NUAK2: variants seen among roughly 807,000 people sequenced by gnomAD.
NUAK2 encodes the protein NUAK family SNF1-like kinase 2.
NUAK2 carries 20 observed loss-of-function variants against 29.8 expected under a neutral mutation model. That is an observed-to-expected ratio of 0.67 (90% CI 0.47 to 0.98). The LOEUF is 0.98. Among genes scored for constraint, NUAK2 ranks in the 50% least tolerant of loss-of-function variants. The probability of loss-of-function intolerance (pLI) is 0.00; values close to 1 mark genes in which losing one functional copy is unlikely to be tolerated. For missense variants in NUAK2, 719 were observed against 834.5 expected, an observed-to-expected ratio of 0.86 and a Z score of 1.71; for synonymous variants, 331 against 342.6, an observed-to-expected ratio of 0.97 and a Z score of 0.37.
chr1:205,308,438 C>T lies in NUAK2; in HGVS notation c.504+143G>A. Reference sequence around the variant, plus strand: ...AGGGACTCAAAGTCAGAGACACTGACATTTCCCTGAGAGTCCAGAATCTAG... The same window carrying T: ...AGGGACTCAAAGTCAGAGACACTGATATTTCCCTGAGAGTCCAGAATCTAG... On this transcript the variant is annotated intron_variant, in intron 3 of 6. Transcript: ENST00000367157. This position sits in a 1 kb window ranked among gnomAD's most constrained non-coding sequence, Gnocchi z 4.1. 1.1e-6 allele frequency: 1 copy of T among 951,286 alleles called. No individual in the cohort carries two copies. The highest frequency in any genetic ancestry group is 1.6e-5 in the South Asian group (1 of 63,632). The allele number at this position is 951,286 out of a possible 1,614,324, so 58.9% of individuals were successfully genotyped here. A position where few individuals can be genotyped will look rare whatever the true frequency, so the allele number is the denominator to read the frequency against.
At chr1:205,315,458 A>G (rs542691476) in intron 1 of NUAK2, among the ~76,000 whole-genome samples, 4 of 152,330 alleles carry the variant, frequency 2.6e-5, no homozygotes, top group African/African-American at 9.6e-5. Context: ...CAGTGCTCAG[A>G]TAAGATTTTC....
intron 2 of NUAK2, 108 bp downstream of exon 2, chr1:205,311,597 T>G (rs531167615): frequency 1.4e-6 from 2 of 1,438,784 alleles, no homozygotes; most frequent in Non-Finnish European, 1.9e-6. Context: ...GAGCCTATAT[T>G]TTTTTTACTT....
chr1:205,305,416 C>A, intron 5 of NUAK2, 85 bp from the exon 6 acceptor site: 1 of 1,514,114 alleles, frequency 6.6e-7, no homozygotes, highest in East Asian at 2.4e-5. Flanking sequence ...GCCAGCACAC[C>A]TGAGGACGAC....
At chr1:205,310,079 A>T (rs1443809689) in intron 2 of NUAK2, among the ~76,000 whole-genome samples, 1 of 152,168 alleles carries the variant, frequency 6.6e-6, no homozygotes, top group Non-Finnish European at 1.5e-5. Context: ...CCTGCCCCAG[A>T]GCTAATGCTG....
Position 205,303,991 on chromosome 1 carries a change from A to C in NUAK2, c.1346T>G (p.Leu449Arg), listed in dbSNP as rs371065495. The change falls in exon 7 of 7, where the codon CTC becomes CGC. Residue 449 changes from leucine to arginine, a missense_variant. Leu to Arg is a moderately radical substitution (Grantham distance 102, BLOSUM62 -2). Around this residue, in one of 3 missense-constraint regions of NUAK2, gnomAD observed 430 missense variants for 465.7 expected, o/e 0.92. Transcript: ENST00000367157. Reference protein sequence around the residue: ...AAPLLPKKGILKKPRQRESGY... With the variant: ...AAPLLPKKGIRKKPRQRESGY... ...AGACTCGCGCTGTCGGGGCTTCTTG[A>C]GAATGCCCTTCTTGGGGAGCAGGGG... 6.2e-6 allele frequency: 10 copies of C among 1,613,654 alleles called. No homozygotes were observed. The highest frequency in any genetic ancestry group is 8.5e-6 in the Non-Finnish European group (10 of 1,179,880).
At position 205,302,565 on chromosome 1, in the gene NUAK2, CAG is replaced by C. The variant is rs1421477863; in HGVS notation, c.*883_*884del. 3 of 152,246 alleles carry C rather than the reference CAG, an allele frequency of 2.0e-5. No individual in the cohort carries two copies. Among genetic ancestry groups the C allele is most frequent in the East Asian group, 3.9e-4 (2 of 5,194 alleles). 9.4% of individuals were successfully genotyped at this position (152,246 alleles called of 1,614,324 possible). A position where few individuals can be genotyped will look rare whatever the true frequency, so the allele number is the denominator to read the frequency against. Reference sequence around the variant, plus strand: ...AAAGGGAAGAGAACCATTGAAGAAACAGAGATTGTGTTCTCTTACTCCTAGGC... The same window carrying C: ...AAAGGGAAGAGAACCATTGAAGAAACAGATTGTGTTCTCTTACTCCTAGGC... On this transcript the variant is annotated 3_prime_UTR_variant, in exon 7 of 7. Coordinates refer to ENST00000367157, the MANE Select transcript of NUAK2 (RefSeq NM_030952.3).
chr1:205,313,362 C>T (rs1233534778), intron 1 of NUAK2, among the ~76,000 whole-genome samples: 1 of 152,126 alleles, frequency 6.6e-6, no homozygotes, highest in African/African-American at 2.4e-5. Context: ...CTATCTTAGC[C>T]CGGCAAGATG....
chr1:205,306,930 T>A (rs556401753), intron 4 of NUAK2, among the ~76,000 whole-genome samples: 61 of 152,270 alleles, frequency 4.0e-4, no homozygotes, highest in Admixed American at 7.2e-4. Flanking sequence ...AGCAAAGGGC[T>A]CATTCCTGTG....
chr1:205,316,800 T>G (rs1662334275), intron 1 of NUAK2, among the ~76,000 whole-genome samples: 1 of 152,216 alleles, frequency 6.6e-6, no homozygotes. Context: ...AATTTCTGAT[T>G]CTGTCCCAGT....
chr1:205,308,103 G>A lies in NUAK2; in HGVS notation c.570+62C>T. 1 of 1,110,652 alleles carries A rather than the reference G, an allele frequency of 9.0e-7. No individual in the cohort carries two copies. The highest frequency in any genetic ancestry group is 1.9e-5 in the Admixed American group (1 of 53,724). 68.8% of individuals were successfully genotyped at this position (1,110,652 alleles called of 1,614,324 possible). A position where few individuals can be genotyped will look rare whatever the true frequency, so the allele number is the denominator to read the frequency against. On this transcript the variant is annotated intron_variant, in intron 4 of 6. Coordinates refer to ENST00000367157, the MANE Select transcript of NUAK2 (RefSeq NM_030952.3). This position sits in a 1 kb window ranked among gnomAD's most constrained non-coding sequence, Gnocchi z 4.1. ...CCAAGAGCTTAGAGCTACTTGGCTG[G>A]GGACAGTGCAGAAAAGCTGGGGTGG... is the stretch of plus-strand genomic sequence containing the variant.
Position 205,304,426 on chromosome 1 carries a change from T to C in NUAK2, c.911A>G (p.Asn304Ser). Residue 304 changes from asparagine to serine, a missense_variant, in exon 7 of 7, where the codon AAC (asparagine) becomes AGC (serine). Transcript: ENST00000367157. The surrounding 1 kb of genome is among the most constrained non-coding windows in gnomAD (Gnocchi z 6.5). ...LEDVASHWWV[N>S]WGYATRVGEQ... The stretch of plus-strand genomic sequence containing the variant: ...TCCCACTCGGGTGGCGTAGCCCCAG[T>C]TGACCCACCAGTGACTGGCCACATC... 1.9e-6 allele frequency: 3 copies of C among 1,589,984 alleles called. No individual in the cohort carries two copies. Among genetic ancestry groups the C allele is most frequent in the Non-Finnish European group, 2.6e-6 (3 of 1,166,448 alleles).
chr1:205,309,046 A>C (rs1662221308), intron 2 of NUAK2, among the ~76,000 whole-genome samples: 1 of 151,594 alleles, frequency 6.6e-6, no homozygotes, highest in Admixed American at 6.6e-5. Context: ...GATGGGAATG[A>C]AAGGCCAGGC....
At chr1:205,309,403 T>A (rs1188322634) in intron 2 of NUAK2, among the ~76,000 whole-genome samples, 1 of 152,196 alleles carries the variant, frequency 6.6e-6, no homozygotes, top group African/African-American at 2.4e-5. Context: ...CTCGGCTCAC[T>A]GCAACCTCCA....
Position 205,304,248 on chromosome 1 carries a change from G to A in NUAK2, c.1089C>T (p.Ser363=). ...GCTGGCGCTCCAGGCCAGGGGTGGT[G>A]CTTCCCCCACCAGGTGCATGCTGCT... ...FFKQHAPGGG[S]TTPGLERQHS... is the part of the protein sequence containing the mutation. The change falls in exon 7 of 7, where the codon AGC becomes AGT. Residue 363 remains serine (S), a synonymous_variant. Transcript: ENST00000367157. The surrounding 1 kb of genome is among the most constrained non-coding windows in gnomAD (Gnocchi z 6.5). 6.2e-7 allele frequency: 1 copy of A among 1,614,142 alleles called. No individual in the cohort carries two copies. The highest frequency in any genetic ancestry group is 8.5e-7 in the Non-Finnish European group (1 of 1,180,024).
chr1:205,304,254 C>G lies in NUAK2; in HGVS notation c.1083G>C (p.Gly361=), dbSNP rs762943746. ...GCTCCAGGCCAGGGGTGGTGCTTCC[C>G]CCACCAGGTGCATGCTGCTTGAAGA... The part of the protein sequence containing the change: ...CSFFKQHAPG[G]GSTTPGLERQ... Residue 361 remains glycine, a synonymous_variant, in exon 7 of 7, where the codon GGG becomes GGC. Coordinates refer to ENST00000367157, the MANE Select transcript of NUAK2 (RefSeq NM_030952.3). This position sits in a 1 kb window ranked among gnomAD's most constrained non-coding sequence, Gnocchi z 6.5. The G allele has an allele frequency of 4.3e-6, 7 of 1,614,142 alleles. No homozygotes were observed. The South Asian group carries it at 7.7e-5, about 18-fold the overall frequency.
Position 205,303,672 on chromosome 1 carries a change from G to A in NUAK2, c.1665C>T (p.Asp555=), listed in dbSNP as rs766504641. 6.4e-7 allele frequency: 1 copy of A among 1,560,724 alleles called. No individual in the cohort carries two copies. Among genetic ancestry groups the A allele is most frequent in the South Asian group, 1.2e-5 (1 of 83,256 alleles). The change falls in exon 7 of 7, where the codon GAC becomes GAT. Residue 555 remains aspartate (D), a synonymous_variant. Transcript: ENST00000367157. ...GGAGCCGTTCAGGCAAGTCCAGCTGGTCAAAGGACTCAGAGGACAGGATGC... is the reference window on the plus strand; with the variant it reads ...GGAGCCGTTCAGGCAAGTCCAGCTGATCAAAGGACTCAGAGGACAGGATGC... The part of the protein sequence containing the change: ...EDSILSSESF[D]QLDLPERLPE...
At chr1:205,312,309 C>T (rs1662268107) in intron 1 of NUAK2, among the ~76,000 whole-genome samples, 3 of 152,004 alleles carry the variant, frequency 2.0e-5, no homozygotes. Flanking sequence ...TCATCAATAC[C>T]CTTTACAGGT....
At chr1:205,305,135 C>G (rs1662161265) in intron 6 of NUAK2, 64 bp downstream of exon 6, 1 of 1,571,442 alleles carries the variant, frequency 6.4e-7, no homozygotes, top group Non-Finnish European at 8.6e-7. Context: ...TGTGTAGTTT[C>G]TGCCTTAGGA....
At chr1:205,321,006 A>G (rs1395078783) in intron 1 of NUAK2, among the ~76,000 whole-genome samples, 3 of 152,196 alleles carry the variant, frequency 2.0e-5, no homozygotes, top group Non-Finnish European at 4.4e-5. Context: ...ATACCTATTA[A>G]GATGGGGTGC....
Sources: gnomAD v4.1 joint callset for allele counts (sites outside exome capture counted in the v4.1 genomes callset) on GRCh38, gnomAD v4.1.1 for gene constraint, gnomAD v4.1.1 regional missense constraint, Gnocchi (gnomAD v3.1) non-coding constraint, MANE v1.5 for transcripts, NCBI Gene and HGNC (gene_info 2026-07-23, HGNC 2026-07-21) for gene names.